Variants in ADA2 observed in about 807,000 individuals in gnomAD.
ADA2 encodes adenosine deaminase 2.
In ADA2, 29 loss-of-function variants were observed where a neutral mutation model predicts 44.2. The observed-to-expected ratio is 0.66, with a 90% CI of 0.49 to 0.89. The LOEUF (loss-of-function observed/expected upper bound fraction) is 0.89, where lower values mean the gene tolerates loss of function less well. Ranked by LOEUF, ADA2 falls within the 40% of genes least tolerant of loss-of-function variation. The pLI is 0.00. For synonymous variants in ADA2, 215 were observed against 234.9 expected, an observed-to-expected ratio of 0.92 and a Z score of 0.77; for missense variants, 637 against 644.8, an observed-to-expected ratio of 0.99 and a Z score of 0.13.
At chr22:17,203,920 G>A (rs1568984968) in intron 3 of ADA2, 147 bp from the exon 4 acceptor site, 1 of 642,510 alleles carries the variant, frequency 1.6e-6, no homozygotes, top group Non-Finnish European at 2.8e-6. Flanking sequence ...GGGCAAAGGG[G>A]AGCATTCCCA....
chr22:17,189,854 C>A, intron 6 of ADA2, 88 bp downstream of exon 6: 1 of 937,060 alleles, frequency 1.1e-6, no homozygotes, highest in South Asian at 1.4e-5. Context: ...ACATTGCGCT[C>A]CCTTCCCAGG....
chr22:17,187,625 T>A (rs1165682593), intron 7 of ADA2, among the ~76,000 whole-genome samples: 5 of 147,464 alleles, frequency 3.4e-5, no homozygotes, highest in Non-Finnish European at 5.9e-5. Context: ...CAAAGTAGGA[T>A]GATGTGAGTT....
intron 1 of ADA2, among the ~76,000 whole-genome samples, chr22:17,211,006 T>C (rs1448798598): frequency 1.3e-5 from 2 of 152,166 alleles, no homozygotes; most frequent in Admixed American, 6.6e-5. Context: ...ACCTCACCAC[T>C]GCACTCCAGC....
intron 4 of ADA2, among the ~76,000 whole-genome samples, chr22:17,201,645 C>T (rs1023691145): frequency 1.1e-4 from 17 of 152,188 alleles, no homozygotes; most frequent in Admixed American, 5.2e-4. Flanking sequence ...CCTGCCCACT[C>T]CCACAATACC....
chr22:17,182,671 T>C lies in ADA2; in HGVS notation c.1172A>G (p.His391Arg), dbSNP rs749413678. The C allele has an allele frequency of 5.6e-6, 9 of 1,613,884 alleles. No homozygotes were observed. In the Admixed American group the frequency reaches 1.5e-4, roughly 27 times the overall value. The change falls in exon 8 of 10, where the codon CAC becomes CGC. Residue 391 changes from histidine (H) to arginine (R), a missense_variant. By Grantham distance (29) the His-to-Arg change is conservative (BLOSUM62 0). Coordinates refer to ENST00000399837, the MANE Select transcript of ADA2 (RefSeq NM_001282225.2). ...RIGHGFALSKHPAVRTYSWKK... is the reference protein window; with the variant it reads ...RIGHGFALSKRPAVRTYSWKK... ...CCAGGAGTAAGTCCTGACTGCGGGG[T>C]GTTTGCTCAAAGCAAATCCATGGCC...
chr22:17,201,548 T>A (rs1397352200), intron 4 of ADA2, among the ~76,000 whole-genome samples: 1 of 152,150 alleles, frequency 6.6e-6, no homozygotes, highest in Non-Finnish European at 1.5e-5. Flanking sequence ...TGGAGAAGAC[T>A]CTACCAAAGG....
At position 17,187,680 on chromosome 22, in the gene ADA2, A is replaced by AG. The variant is rs1555884902; in HGVS notation, c.1081+658_1081+659insC. 1.6e-3 allele frequency among the ~76,000 whole-genome samples: 228 copies of AG among 141,640 alleles called. 3 individuals are homozygous for AG. Among genetic ancestry groups the AG allele is most frequent in the Admixed American group, 6.0e-3 (88 of 14,614 alleles). 92.9% of individuals were successfully genotyped at this position (141,640 alleles called of 152,430 possible). A position where few individuals can be genotyped will look rare whatever the true frequency, so the allele number is the denominator to read the frequency against. Reference sequence around the variant, plus strand: ...CACGAAAAATTAAAAAAAAAAAAAAAAAGAAGAAGAAGAAGGATTCAAATT... The same window carrying AG: ...CACGAAAAATTAAAAAAAAAAAAAAAGAAGAAGAAGAAGAAGGATTCAAATT... On this transcript the variant is annotated intron_variant, in intron 7 of 9. Coordinates refer to ENST00000399837, the MANE Select transcript of ADA2 (RefSeq NM_001282225.2).
At chr22:17,183,951 C>CT in intron 7 of ADA2, among the ~76,000 whole-genome samples, 1 of 73,072 alleles carries the variant, frequency 1.4e-5, no homozygotes, top group Non-Finnish European at 2.6e-5. Flanking sequence ...CCCATCACAC[C>CT]TTTCTTTTTT....
At chr22:17,208,607 A>T (rs2062382137) in intron 2 of ADA2, among the ~76,000 whole-genome samples, 1 of 151,912 alleles carries the variant, frequency 6.6e-6, no homozygotes, top group East Asian at 2.0e-4. Context: ...GTTCGAGATC[A>T]GCCTGGCCAA....
intron 4 of ADA2, 104 bp downstream of exon 4, chr22:17,203,459 G>T (rs111374837): frequency 8.0e-6 from 7 of 877,474 alleles, no homozygotes; most frequent in African/African-American, 4.9e-5. Context: ...TTGCACCAGA[G>T]ACCTGAGTGG....
chr22:17,199,589 G>C, intron 4 of ADA2: 1 of 1,614,058 alleles, frequency 6.2e-7, no homozygotes, highest in Non-Finnish European at 8.5e-7. Context: ...CTCCCCTCCG[G>C]AAAAAGGAAA....
chr22:17,182,523 G>T, intron 8 of ADA2, 81 bp downstream of exon 8: 1 of 1,379,770 alleles, frequency 7.2e-7, no homozygotes, highest in Non-Finnish European at 1.0e-6. Context: ...GGAGAGATAA[G>T]TTATACAGCA....
Position 17,192,196 on chromosome 22 carries a change from C to G in ADA2, c.754-386G>C, listed in dbSNP as rs559808364. Among the ~76,000 whole-genome samples the G allele has an allele frequency of 5.3e-5, 8 of 152,242 alleles. No homozygotes were observed. In the East Asian group the frequency reaches 1.5e-3, roughly 29 times the overall value. On this transcript the variant is annotated intron_variant, in intron 4 of 9. Coordinates refer to ENST00000399837, the MANE Select transcript of ADA2 (RefSeq NM_001282225.2). ...GTCTCTGCTGCTGCATGGGGAATTC[C>G]TAGCTGGCTCTGGGATAACCCTGAT... is the stretch of plus-strand genomic sequence containing the variant.
chr22:17,209,738 G>T lies in ADA2; in HGVS notation c.-46-15C>A, dbSNP rs1056885131. The T allele has an allele frequency of 2.2e-6, 3 of 1,366,772 alleles. No homozygotes were observed. The highest frequency in any genetic ancestry group is 2.0e-6 in the Non-Finnish European group (2 of 995,566). 84.7% of individuals were successfully genotyped at this position (1,366,772 alleles called of 1,614,324 possible). On this transcript the variant is annotated splice_polypyrimidine_tract_variant and intron_variant, in intron 1 of 9. Coordinates refer to ENST00000399837, the MANE Select transcript of ADA2 (RefSeq NM_001282225.2). ...ACTCCACGGGACTGCAAAGGAGAGT[G>T]GGGGAGTGAAAACCTACAGATTTAA... is the stretch of plus-strand genomic sequence containing the variant.
At chr22:17,187,717 G>T (rs1182807373) in intron 7 of ADA2, among the ~76,000 whole-genome samples, 3 of 151,396 alleles carry the variant, frequency 2.0e-5, no homozygotes, top group African/African-American at 7.3e-5. Flanking sequence ...AGACTCCACT[G>T]CGCACCAGCT....
chr22:17,219,761 G>A (rs1227519407), upstream of ADA2, among the ~76,000 whole-genome samples: 4 of 131,868 alleles, frequency 3.0e-5, no homozygotes, highest in Non-Finnish European at 6.2e-5. Context: ...TGCAGCCTCC[G>A]CCTCCCGGGT....
At chr22:17,191,624 G>A in intron 5 of ADA2, 59 bp downstream of exon 5, 2 of 1,564,160 alleles carry the variant, frequency 1.3e-6, no homozygotes, top group Non-Finnish European at 1.7e-6. Flanking sequence ...TCCCAGCCTA[G>A]TAGCTCTGCC....
rs578261514 is a variant in ADA2 at position 17,192,850 on chromosome 22, C to G, written c.754-1040G>C. 268 of 396,108 alleles carry G rather than the reference C, an allele frequency of 6.8e-4. 3 individuals carry two copies. Among genetic ancestry groups the G allele is most frequent in the South Asian group, 5.1e-3 (254 of 49,538 alleles). 24.5% of individuals were successfully genotyped at this position (396,108 alleles called of 1,614,324 possible). A position where few individuals can be genotyped will look rare whatever the true frequency, so the allele number is the denominator to read the frequency against. On this transcript the variant is annotated intron_variant, in intron 4 of 9. Transcript: ENST00000399837. The stretch of plus-strand genomic sequence containing the variant: ...TCTCGAAAAAAAAAAAGGGGGGGCC[C>G]TCTCTCTTCCTCGGCGCTGCCTACA...
At chr22:17,209,282 C>A in intron 2 of ADA2, 74 bp downstream of exon 2, 2 of 1,247,980 alleles carry the variant, frequency 1.6e-6, no homozygotes, top group Non-Finnish European at 2.3e-6. Flanking sequence ...GCAACAGCCA[C>A]AAGCACAGTA....
Sources: allele counts gnomAD v4.1 joint callset (sites outside exome capture counted in the v4.1 genomes callset), GRCh38; gene constraint gnomAD v4.1.1; transcripts MANE v1.5; gene names NCBI Gene and HGNC (gene_info 2026-07-23, HGNC 2026-07-21).